CARMIL1: variants seen among roughly 807,000 people sequenced by gnomAD.
CARMIL1 encodes F-actin-uncapping protein LRRC16A.
A neutral mutation model predicts 177.1 loss-of-function variants in CARMIL1; 90 were observed. That is an observed-to-expected ratio of 0.51 (90% CI 0.43 to 0.61). CARMIL1 has a LOEUF of 0.61. CARMIL1 is among the 20% of genes least tolerant of loss of function. CARMIL1 has a pLI of 0.00. For missense variants in CARMIL1, 1,380 were observed against 1,667.0 expected (o/e 0.83, Z 3.00); for synonymous variants, 577 against 606.2 (o/e 0.95, Z 0.71).
intron 2 of CARMIL1, among the ~76,000 whole-genome samples, chr6:25,389,734 C>T (rs566750389): frequency 8.5e-5 from 13 of 152,110 alleles, no homozygotes; most frequent in East Asian, 3.9e-4. Context: ...TGGTGTGGGC[C>T]GCAGCAATGA....
At chr6:25,356,469 G>T (rs1788628624) in intron 2 of CARMIL1, among the ~76,000 whole-genome samples, 1 of 152,200 alleles carries the variant, frequency 6.6e-6, no homozygotes, top group South Asian at 2.1e-4. Flanking sequence ...AAAAACCAGA[G>T]ATTTGGTTTA....
chr6:25,506,170 C>T (rs2762357), intron 17 of CARMIL1, among the ~76,000 whole-genome samples: 37,997 of 152,180 alleles, frequency 0.25, 5,375 homozygotes, highest in African/African-American at 0.38. Context: ...AGGCCAGGTA[C>T]GGAATGCAGA....
At chr6:25,488,622 C>G (rs1158968221) in intron 13 of CARMIL1, 37 bp downstream of exon 13, 2 of 1,498,384 alleles carry the variant, frequency 1.3e-6, no homozygotes. Context: ...TTCGAAGAAG[C>G]TGTGTTTAAT....
intron 2 of CARMIL1, among the ~76,000 whole-genome samples, chr6:25,416,642 C>G (rs139884049): frequency 1.8e-4 from 27 of 152,256 alleles, no homozygotes; most frequent in Admixed American, 3.3e-4. Flanking sequence ...AAGTTCCTGT[C>G]TTTGACTTTT....
At chr6:25,298,813 G>T (rs1356598770) in intron 2 of CARMIL1, among the ~76,000 whole-genome samples, 4 of 147,316 alleles carry the variant, frequency 2.7e-5, no homozygotes, top group Non-Finnish European at 5.9e-5. Flanking sequence ...GGAGTGCAAT[G>T]GCGCGATCTC....
At chr6:25,495,060 A>C in intron 15 of CARMIL1, 51 bp from the exon 16 acceptor site, 1 of 989,610 alleles carries the variant, frequency 1.0e-6, no homozygotes, top group Non-Finnish European at 1.6e-6. Context: ...TAATCAATGA[A>C]TATGTTTGAT....
intron 2 of CARMIL1, among the ~76,000 whole-genome samples, chr6:25,363,659 A>G (rs1046469210): frequency 5.9e-5 from 9 of 152,186 alleles, no homozygotes; most frequent in Non-Finnish European, 1.2e-4. Flanking sequence ...TTTAGGTGAG[A>G]GGATAACTTG....
chr6:25,309,477 G>A (rs1276816794), intron 2 of CARMIL1, among the ~76,000 whole-genome samples: 1 of 132,572 alleles, frequency 7.5e-6, no homozygotes, highest in East Asian at 2.4e-4. Context: ...TCAATTTTGA[G>A]CCTTTTTTTT....
chr6:25,352,193 A>G (rs999205821), intron 2 of CARMIL1, among the ~76,000 whole-genome samples: 1 of 152,134 alleles, frequency 6.6e-6, no homozygotes, highest in Non-Finnish European at 1.5e-5. Flanking sequence ...GTGACTACAT[A>G]AATGACCCCA....
At chr6:25,290,568 C>T (rs140606494) in intron 2 of CARMIL1, among the ~76,000 whole-genome samples, 6 of 152,002 alleles carry the variant, frequency 3.9e-5, no homozygotes, top group Non-Finnish European at 7.4e-5. Flanking sequence ...TTGGTTTCTT[C>T]TGTTTGATTT....
At position 25,491,756 on chromosome 6, in the gene CARMIL1, C is replaced by A; in HGVS notation, c.1090C>A (p.Pro364Thr). Residue 364 changes from proline to threonine, a missense_variant, in exon 14 of 37, where the codon CCA (proline) becomes ACA (threonine). Coordinates refer to ENST00000329474, the MANE Select transcript of CARMIL1 (RefSeq NM_017640.6). ...LSHMYNFLAQ[P>T]NAIVHLDLSN... ...GCACATGTATAATTTTTTGGCCCAGCCAAATGCCATTGTTCATCTGGATTT... is the reference window on the plus strand; with the variant it reads ...GCACATGTATAATTTTTTGGCCCAGACAAATGCCATTGTTCATCTGGATTT... 6.3e-7 allele frequency: 1 copy of A among 1,597,844 alleles called. No homozygotes were observed. Among genetic ancestry groups the A allele is most frequent in the Non-Finnish European group, 8.5e-7 (1 of 1,171,796 alleles).
intron 4 of CARMIL1, among the ~76,000 whole-genome samples, chr6:25,429,655 G>T (rs1480760943): frequency 6.6e-6 from 1 of 152,028 alleles, no homozygotes; most frequent in Non-Finnish European, 1.5e-5. Flanking sequence ...TCTATTTTTA[G>T]TTTGTTCAGA....
chr6:25,572,411 T>G (rs1812160831), intron 29 of CARMIL1, among the ~76,000 whole-genome samples: 1 of 152,076 alleles, frequency 6.6e-6, no homozygotes, highest in Admixed American at 6.6e-5. Flanking sequence ...GTGGACATCA[T>G]AGCTGGGTGC....
intron 17 of CARMIL1, among the ~76,000 whole-genome samples, chr6:25,502,991 G>T (rs1302386354): frequency 6.6e-6 from 1 of 152,188 alleles, no homozygotes; most frequent in Admixed American, 6.5e-5. Context: ...GATAGGTATA[G>T]TAGATGAACC....
intron 2 of CARMIL1, among the ~76,000 whole-genome samples, chr6:25,373,108 T>C (rs58924292): frequency 0.15 from 22,613 of 152,242 alleles, 1,734 homozygotes; most frequent in African/African-American, 0.19. Flanking sequence ...CACTTGATCA[T>C]GGTGAATTAT....
At chr6:25,613,478 T>C (rs1816658461) in intron 36 of CARMIL1, among the ~76,000 whole-genome samples, 1 of 152,228 alleles carries the variant, frequency 6.6e-6, no homozygotes. Flanking sequence ...AGTTGCTCTC[T>C]GACTTCTGTC....
chr6:25,371,722 C>G lies in CARMIL1; in HGVS notation c.139-48392C>G, dbSNP rs1265350406. On this transcript the variant is annotated intron_variant, in intron 2 of 36. Transcript: ENST00000329474. ...TCCTACTCTGTGGGTCATCTGTTTA[C>G]TCTGATGGTGATTTGCTGTGCAGAA... Among the ~76,000 whole-genome samples, 3 of 151,934 alleles carry G rather than the reference C, an allele frequency of 2.0e-5. No individual in the cohort carries two copies. In the East Asian group the frequency reaches 5.8e-4, roughly 29 times the overall value.
chr6:25,452,136 C>A, intron 8 of CARMIL1: 1 of 764,996 alleles, frequency 1.3e-6, no homozygotes, highest in Non-Finnish European at 2.4e-6. Flanking sequence ...CTCCTCTTTG[C>A]ACAGCCTGGG....
intron 36 of CARMIL1, among the ~76,000 whole-genome samples, chr6:25,614,949 T>C (rs1351177675): frequency 6.6e-6 from 1 of 152,240 alleles, no homozygotes; most frequent in Non-Finnish European, 1.5e-5. Flanking sequence ...TGGAACTAAA[T>C]AGGACCATCT....
Sources: allele counts gnomAD v4.1 joint callset (sites outside exome capture counted in the v4.1 genomes callset), GRCh38; gene constraint gnomAD v4.1.1; transcripts MANE v1.5; gene names NCBI Gene and HGNC (gene_info 2026-07-23, HGNC 2026-07-21).